RNF170: variants seen among roughly 807,000 people sequenced by gnomAD.
RNF170 encodes the protein E3 ubiquitin-protein ligase RNF170.
Under a neutral mutation model 32.7 loss-of-function variants are expected in RNF170, and 12 were observed. That is an observed-to-expected ratio of 0.37 (90% CI 0.24 to 0.60). The LOEUF (loss-of-function observed/expected upper bound fraction) is 0.60. RNF170 is among the 20% of genes least tolerant of loss of function. The probability of loss-of-function intolerance (pLI) is 0.72; values close to 1 mark genes in which losing one functional copy is unlikely to be tolerated. For missense variants in RNF170, 212 were observed against 311.2 expected, an observed-to-expected ratio of 0.68 and a Z score of 2.40; for synonymous variants, 91 against 103.6, an observed-to-expected ratio of 0.88 and a Z score of 0.74.
intron 3 of RNF170, among the ~76,000 whole-genome samples, chr8:42,873,026 C>A (rs1804637785): frequency 1.3e-5 from 2 of 152,120 alleles, no homozygotes; most frequent in Non-Finnish European, 2.9e-5. Context: ...TCCTGAGTAG[C>A]TGGGACTATA....
intron 3 of RNF170, among the ~76,000 whole-genome samples, chr8:42,872,591 C>T (rs533781347): frequency 5.9e-5 from 9 of 152,046 alleles, no homozygotes; most frequent in Admixed American, 1.3e-4. Flanking sequence ...AACAGGTGTG[C>T]GCCACCATGC....
intron 1 of RNF170, among the ~76,000 whole-genome samples, chr8:42,888,206 C>A (rs1338650231): frequency 6.6e-6 from 1 of 151,898 alleles, no homozygotes; most frequent in East Asian, 2.0e-4. Flanking sequence ...GCTGGGACTA[C>A]AGGCGCGCAC....
intron 1 of RNF170, among the ~76,000 whole-genome samples, chr8:42,890,707 G>A (rs1057288855): frequency 1.3e-5 from 2 of 152,172 alleles, no homozygotes; most frequent in African/African-American, 4.8e-5. Flanking sequence ...GCGGTGTTGA[G>A]AGGAAAAGGG....
downstream of RNF170, chr8:42,850,703 T>A: frequency 6.7e-7 from 1 of 1,501,312 alleles, no homozygotes; most frequent in Non-Finnish European, 9.0e-7. Flanking sequence ...CAGAGTGCCC[T>A]GGGGTAAGGG....
Position 42,855,639 on chromosome 8 carries a change from G to C in RNF170, c.*520C>G. ...AGCAAATAATTAATTATACCAGAAT[G>C]AAAAGGCAGAACTGCTCCAAATGCA... On this transcript the variant is annotated 3_prime_UTR_variant, in exon 7 of 7. Transcript: ENST00000527424. 1 of 1,285,088 alleles carries C rather than the reference G, an allele frequency of 7.8e-7. No individual in the cohort carries two copies. Among genetic ancestry groups the C allele is most frequent in the Non-Finnish European group, 1.0e-6 (1 of 986,680 alleles). The allele number at this position is 1,285,088 out of a possible 1,614,324, so 79.6% of individuals were successfully genotyped here.
At position 42,854,287 on chromosome 8, in the gene RNF170, A is replaced by T; in HGVS notation, c.*1872T>A. The T allele has an allele frequency of 2.3e-6, 3 of 1,287,246 alleles. No homozygotes were observed. The South Asian group carries it at 3.7e-5, about 16-fold the overall frequency. 79.7% of individuals were successfully genotyped at this position (1,287,246 alleles called of 1,614,324 possible). On this transcript the variant is annotated 3_prime_UTR_variant, in exon 7 of 7. Transcript: ENST00000527424. Reference sequence around the variant, plus strand: ...TTTCTCTCTTGCTGTTCCTCTTAACAACTTTCACGTCTATCTAAACATTCT... The same window carrying T: ...TTTCTCTCTTGCTGTTCCTCTTAACTACTTTCACGTCTATCTAAACATTCT...
In RNF170 at chr8:42,856,139, A is replaced by C; in HGVS notation, c.*20T>G. ...TACATTAGCTCAGATATCCTAGTAA[A>C]CTCAGTTTTGTTTTCTTTTTCATCT... is the stretch of plus-strand genomic sequence containing the variant. On this transcript the variant is annotated 3_prime_UTR_variant, in exon 7 of 7. Transcript: ENST00000527424. 6.2e-7 allele frequency: 1 copy of C among 1,610,422 alleles called. No individual in the cohort carries two copies. The highest frequency in any genetic ancestry group is 8.5e-7 in the Non-Finnish European group (1 of 1,179,394).
chr8:42,852,316 T>C (rs1002802248), downstream of RNF170, among the ~76,000 whole-genome samples: 1 of 152,264 alleles, frequency 6.6e-6, no homozygotes, highest in Admixed American at 6.5e-5. Flanking sequence ...AAATGAAATA[T>C]ATACTTTTAT....
chr8:42,896,549 GCTCCCGCCACCC>G lies in RNF170; in HGVS notation c.-85_-74del, dbSNP rs1806916309. 2.2e-6 allele frequency: 1 copy of G among 453,724 alleles called. No individual in the cohort carries two copies. Among genetic ancestry groups the G allele is most frequent in the Admixed American group, 2.4e-5 (1 of 42,542 alleles). The allele number at this position is 453,724 out of a possible 1,614,324, so 28.1% of individuals were successfully genotyped here. On this transcript the variant is annotated 5_prime_UTR_variant, in exon 1 of 7. Transcript: ENST00000527424. ...CAGAGGACAGATTATTTCCAGGACC[GCTCCCGCCACCC>G]CTCCCGGGCAACCCACTAGACGTCC...
At chr8:42,890,364 G>C (rs1032413722) in intron 1 of RNF170, among the ~76,000 whole-genome samples, 4 of 149,792 alleles carry the variant, frequency 2.7e-5, no homozygotes, top group Admixed American at 6.7e-5. Flanking sequence ...TGCAAGCTCT[G>C]CCTCCCGGGT....
At chr8:42,897,247 C>G, upstream of RNF170, 3 of 1,152,732 alleles carry the variant, frequency 2.6e-6, no homozygotes, top group Non-Finnish European at 3.3e-6. Flanking sequence ...TACCGGGACC[C>G]TCCACGCGCG....
intron 2 of RNF170, among the ~76,000 whole-genome samples, chr8:42,876,714 C>A (rs1804966384): frequency 7.1e-6 from 1 of 140,842 alleles, no homozygotes; most frequent in East Asian, 2.1e-4. Flanking sequence ...GGCTGGAGTG[C>A]CATGGTACAA....
At chr8:42,850,694 A>G, downstream of RNF170, 1 of 1,431,046 alleles carries the variant, frequency 7.0e-7, no homozygotes, top group Non-Finnish European at 9.6e-7. Context: ...TGAATGCCTC[A>G]GAGTGCCCTG....
At chr8:42,896,682 C>A (rs1441528247), upstream of RNF170, 4 of 423,424 alleles carry the variant, frequency 9.4e-6, 1 homozygote, top group Admixed American at 1.0e-4. Flanking sequence ...TCGCCGCAGC[C>A]TCCAGGGCGG....
intron 2 of RNF170, 121 bp from the exon 3 acceptor site, chr8:42,874,127 C>T (rs1804730461): frequency 2.9e-6 from 2 of 691,132 alleles, no homozygotes; most frequent in Admixed American, 4.1e-5. Context: ...GGCATACAAG[C>T]ACTTCACTTC....
chr8:42,868,648 T>C (rs897251488), intron 4 of RNF170, among the ~76,000 whole-genome samples: 1 of 151,588 alleles, frequency 6.6e-6, no homozygotes, highest in Non-Finnish European at 1.5e-5. Context: ...ATGTCAGGAG[T>C]TCGAGACCAG....
At chr8:42,874,106 A>T (rs567209323) in intron 2 of RNF170, 100 bp from the exon 3 acceptor site, 1 of 733,944 alleles carries the variant, frequency 1.4e-6, no homozygotes, top group African/African-American at 1.7e-5. Context: ...CTGGTAATTA[A>T]TGTAATTGAT....
Position 42,896,552 on chromosome 8 carries a change from C to T in RNF170, c.-76G>A, listed in dbSNP as rs1463135905. Reference sequence around the variant, plus strand: ...AGGACAGATTATTTCCAGGACCGCTCCCGCCACCCCTCCCGGGCAACCCAC... The same window carrying T: ...AGGACAGATTATTTCCAGGACCGCTTCCGCCACCCCTCCCGGGCAACCCAC... On this transcript the variant is annotated 5_prime_UTR_variant, in exon 1 of 7. Coordinates refer to ENST00000527424, the MANE Select transcript of RNF170 (RefSeq NM_030954.4). 1 of 453,808 alleles carries T rather than the reference C, an allele frequency of 2.2e-6. No homozygotes were observed. Among genetic ancestry groups the T allele is most frequent in the Non-Finnish European group, 4.4e-6 (1 of 226,732 alleles). The allele number at this position is 453,808 out of a possible 1,614,324, so 28.1% of individuals were successfully genotyped here. A position where few individuals can be genotyped will look rare whatever the true frequency, so the allele number is the denominator to read the frequency against.
rs1803083422 is a variant in RNF170 at position 42,854,364 on chromosome 8, T to C, written c.*1795A>G. Reference sequence around the variant, plus strand: ...GGTGTAATGCCACTTTGATCAGTTATTTGTTGTATGACTTCATTCAAAAAC... The same window carrying C: ...GGTGTAATGCCACTTTGATCAGTTACTTGTTGTATGACTTCATTCAAAAAC... On this transcript the variant is annotated 3_prime_UTR_variant, in exon 7 of 7. Transcript: ENST00000527424. The C allele has an allele frequency of 1.6e-6, 2 of 1,287,254 alleles. No homozygotes were observed. The highest frequency in any genetic ancestry group is 2.0e-6 in the Non-Finnish European group (2 of 988,694). 79.7% of individuals were successfully genotyped at this position (1,287,254 alleles called of 1,614,324 possible). A position where few individuals can be genotyped will look rare whatever the true frequency, so the allele number is the denominator to read the frequency against.
Sources: gnomAD v4.1 joint callset for allele counts (sites outside exome capture counted in the v4.1 genomes callset) on GRCh38, gnomAD v4.1.1 for gene constraint, MANE v1.5 for transcripts, NCBI Gene and HGNC (gene_info 2026-07-23, HGNC 2026-07-21) for gene names.